HMCN2: variants seen among roughly 807,000 people sequenced by gnomAD.
HMCN2 encodes the protein hemicentin-2.
Under a neutral mutation model 377.5 loss-of-function variants are expected in HMCN2, and 325 were observed. The ratio of observed to expected loss-of-function variants is 0.86; its 90% CI spans 0.79 to 0.94. The LOEUF (loss-of-function observed/expected upper bound fraction) is 0.94. Among genes scored for constraint, HMCN2 ranks in the 40% least tolerant of loss-of-function variants. The pLI is 0.00. For missense variants in HMCN2, 4,543 were observed against 4,725.3 expected (o/e 0.96, Z 1.13); for synonymous variants, 2,007 against 2,046.8 (o/e 0.98, Z 0.53).
At chr9:130,349,472 C>A in intron 28 of HMCN2, 65 bp from the exon 29 acceptor site, 1 of 1,279,022 alleles carries the variant, frequency 7.8e-7, no homozygotes, top group Admixed American at 2.4e-5. Flanking sequence ...AGACAAAGGC[C>A]CCGTGGTAGG....
intron 15 of HMCN2, among the ~76,000 whole-genome samples, chr9:130,312,420 A>G (rs1007780823): frequency 2.3e-4 from 34 of 150,280 alleles, no homozygotes; most frequent in Middle Eastern, 6.9e-3. Flanking sequence ...GGGCATTGTC[A>G]TCCTTTGCTC....
intron 23 of HMCN2, among the ~76,000 whole-genome samples, chr9:130,339,227 G>A (rs942967736): frequency 0.018 from 2,810 of 152,308 alleles, 31 homozygotes; most frequent in Middle Eastern, 0.041. Context: ...ATAAATACAA[G>A]TTTTATTGGA....
chr9:130,277,085 A>G (rs915813116), intron 1 of HMCN2, among the ~76,000 whole-genome samples: 5 of 152,220 alleles, frequency 3.3e-5, no homozygotes, highest in African/African-American at 1.2e-4. Context: ...GTGGGGCACC[A>G]CGTGGGTGAG....
rs1837014066 is a variant in HMCN2, at chr9:130,308,371, TCCTGAGGC to T, written c.2200+813_2200+820del. Among the ~76,000 whole-genome samples the T allele has an allele frequency of 6.6e-6, 1 of 152,204 alleles. No homozygotes were observed. Among genetic ancestry groups the T allele is most frequent in the African/African-American group, 2.4e-5 (1 of 41,442 alleles). ...AATGACAGCAATAATGACAGGGTTG[TCCTGAGGC>T]CCTGAGGTCATGGGCAGAGCGTTTT... On this transcript the variant is annotated intron_variant, in intron 14 of 97. Coordinates refer to ENST00000683500, the MANE Select transcript of HMCN2 (RefSeq NM_001291815.2). The surrounding 1 kb of genome is among the most constrained non-coding windows in gnomAD (Gnocchi z 4.1).
At chr9:130,411,224 A>C (rs543448212) in intron 85 of HMCN2, among the ~76,000 whole-genome samples, 12 of 150,018 alleles carry the variant, frequency 8.0e-5, no homozygotes, top group South Asian at 6.3e-4. Flanking sequence ...AAAAAAAAAA[A>C]CAACAAACTT....
chr9:130,294,364 C>G (rs1384488072), intron 4 of HMCN2, among the ~76,000 whole-genome samples: 1 of 152,234 alleles, frequency 6.6e-6, no homozygotes, highest in Non-Finnish European at 1.5e-5. Context: ...TTCCTTACTT[C>G]TGTGGACTGG....
At chr9:130,395,839 TC>T (rs1842580888) in intron 71 of HMCN2, 84 bp from the exon 72 acceptor site, 1 of 1,208,746 alleles carries the variant, frequency 8.3e-7, no homozygotes, top group African/African-American at 1.6e-5. Flanking sequence ...CTTCACCAGT[TC>T]CTCAGTCTTC....
At chr9:130,291,099 T>C (rs1327850905) in intron 4 of HMCN2, among the ~76,000 whole-genome samples, 2 of 152,198 alleles carry the variant, frequency 1.3e-5, no homozygotes, top group Non-Finnish European at 2.9e-5. Flanking sequence ...GCCTTTCTTC[T>C]TCAGCTTTCC....
intron 15 of HMCN2, among the ~76,000 whole-genome samples, chr9:130,317,456 G>A (rs999868422): frequency 2.1e-5 from 3 of 141,482 alleles, no homozygotes; most frequent in South Asian, 2.4e-4. Context: ...AGATGATAGC[G>A]AGACCCCACC....
chr9:130,313,304 G>A (rs1837361750), intron 15 of HMCN2, among the ~76,000 whole-genome samples: 1 of 151,786 alleles, frequency 6.6e-6, no homozygotes, highest in East Asian at 1.9e-4. Flanking sequence ...GGTAGTGTCT[G>A]GGGCATAGGA....
chr9:130,365,003 A>G (rs2131579322), intron 41 of HMCN2, 114 bp downstream of exon 41: 8 of 580,806 alleles, frequency 1.4e-5, no homozygotes, highest in Non-Finnish European at 1.5e-5. Context: ...CAGGGGATGG[A>G]GGACAAAACC....
At chr9:130,398,751 C>G in intron 75 of HMCN2, 44 bp downstream of exon 75, 1 of 1,205,624 alleles carries the variant, frequency 8.3e-7, no homozygotes, top group Non-Finnish European at 1.1e-6. Context: ...ACGCACAGGG[C>G]GGGGAGGCAC....
rs540495903 is a variant in HMCN2 at position 130,360,210 on chromosome 9, G to C, written c.5774-218G>C. On this transcript the variant is annotated intron_variant, in intron 37 of 97. Coordinates refer to ENST00000683500, the MANE Select transcript of HMCN2 (RefSeq NM_001291815.2). The surrounding 1 kb of genome is among the most constrained non-coding windows in gnomAD (Gnocchi z 4.7). ...AGAACTCTGACCTTCTCCAATGCCTGAAAAAATAGTGTGGTCACCCTGGAA... is the reference window on the plus strand; with the variant it reads ...AGAACTCTGACCTTCTCCAATGCCTCAAAAAATAGTGTGGTCACCCTGGAA... Among the ~76,000 whole-genome samples, 1 of 152,248 alleles carries C rather than the reference G, an allele frequency of 6.6e-6. No homozygotes were observed. Among genetic ancestry groups the C allele is most frequent in the East Asian group, 1.9e-4 (1 of 5,172 alleles).
rs576916555 is a variant in HMCN2 at position 130,295,164 on chromosome 9, G to A, written c.784+138G>A. The A allele has an allele frequency of 8.3e-4, 240 of 287,566 alleles. 1 individual carries two copies. The highest frequency in any genetic ancestry group is 1.3e-3 in the Non-Finnish European group (184 of 142,436). The allele number at this position is 287,566 out of a possible 1,614,324, so 17.8% of individuals were successfully genotyped here. On this transcript the variant is annotated intron_variant, in intron 5 of 97. Coordinates refer to ENST00000683500, the MANE Select transcript of HMCN2 (RefSeq NM_001291815.2). ...GGAATAGGGAAATATGGGGTGGGGG[G>A]GACACGAAGTGGAGAGAGGGCGCCC...
chr9:130,384,829 G>GT (rs1841929459), intron 59 of HMCN2, 31 bp downstream of exon 59: 1 of 1,249,696 alleles, frequency 8.0e-7, no homozygotes, highest in Admixed American at 2.3e-5. Context: ...AACTTGTACT[G>GT]TCCCCACTCC....
intron 87 of HMCN2, among the ~76,000 whole-genome samples, chr9:130,424,010 C>T (rs1159245173): frequency 1.3e-5 from 2 of 151,502 alleles, no homozygotes; most frequent in African/African-American, 4.8e-5. Flanking sequence ...GACTGCTTCT[C>T]GCTTTGTTGC....
chr9:130,382,606 C>G (rs1841790353), intron 55 of HMCN2, 73 bp from the exon 56 acceptor site: 1 of 576,274 alleles, frequency 1.7e-6, no homozygotes, highest in Non-Finnish European at 2.2e-6. Flanking sequence ...CCAAGTGCCA[C>G]TCTCGCCTCC....
rs921921507 is a variant in HMCN2, at chr9:130,394,004, C to T, written c.10497C>T (p.Val3499=). ...CCAGGAGGCATTTCCAGCTGACCGTCATGGGTGGGTCCTCTGGCCTCTGGC... is the reference window on the plus strand; with the variant it reads ...CCAGGAGGCATTTCCAGCTGACCGTTATGGGTGGGTCCTCTGGCCTCTGGC... ...GEARRHFQLT[V]MEPPHIEDSG... Residue 3499 remains valine, a synonymous_variant, in exon 68 of 98, where the codon GTC becomes GTT. Coordinates refer to ENST00000683500, the MANE Select transcript of HMCN2 (RefSeq NM_001291815.2). This position sits in a 1 kb window ranked among gnomAD's most constrained non-coding sequence, Gnocchi z 5.1. 1.6e-6 allele frequency: 2 copies of T among 1,258,090 alleles called. No individual in the cohort carries two copies. Among genetic ancestry groups the T allele is most frequent in the Non-Finnish European group, 2.1e-6 (2 of 974,312 alleles). The allele number at this position is 1,258,090 out of a possible 1,614,324, so 77.9% of individuals were successfully genotyped here.
At chr9:130,395,654 C>T (rs1842572375) in intron 71 of HMCN2, among the ~76,000 whole-genome samples, 1 of 152,218 alleles carries the variant, frequency 6.6e-6, no homozygotes, top group South Asian at 2.1e-4. Context: ...TCTCCGTGCC[C>T]ACCCCTCAAA....
Sources: allele counts gnomAD v4.1 joint callset (sites outside exome capture counted in the v4.1 genomes callset), GRCh38; gene constraint gnomAD v4.1.1; non-coding constraint Gnocchi (gnomAD v3.1); transcripts MANE v1.5; gene names NCBI Gene and HGNC (gene_info 2026-07-23, HGNC 2026-07-21).